Variants in CDCP2 observed in about 807,000 individuals in gnomAD.
CDCP2 encodes CUB domain-containing protein 2.
A neutral mutation model predicts 31.0 loss-of-function variants in CDCP2; 31 were observed. That is an observed-to-expected ratio of 1.00 (90% CI 0.75 to 1.35). The LOEUF (loss-of-function observed/expected upper bound fraction) is 1.35, where lower values mean the gene tolerates loss of function less well. CDCP2 is among the 40% of genes most tolerant of loss of function. The pLI, the probability that CDCP2 is intolerant of heterozygous loss-of-function variation, is 0.00. For synonymous variants in CDCP2, 206 were observed against 207.9 expected (o/e 0.99, Z 0.08); for missense variants, 443 against 482.6 (o/e 0.92, Z 0.77).
rs887852738 is a variant in CDCP2, at chr1:54,139,408, T to C, written c.1117+345A>G. 15 of 846,754 alleles carry C rather than the reference T, an allele frequency of 1.8e-5. No individual in the cohort carries two copies. In the East Asian group the frequency reaches 3.8e-4, roughly 21 times the overall value. 52.5% of individuals were successfully genotyped at this position (846,754 alleles called of 1,614,324 possible). ...ATACCAATTTTTTTGCCATAAACAA[T>C]ATTACCATATTTTGTCTATTTCCCC... On this transcript the variant is annotated intron_variant, in intron 4 of 5. Transcript: ENST00000530059.
At chr1:54,134,155 T>C (rs1446491256) in intron 5 of CDCP2, among the ~76,000 whole-genome samples, 1 of 152,220 alleles carries the variant, frequency 6.6e-6, no homozygotes, top group Non-Finnish European at 1.5e-5. Flanking sequence ...TACTGAGGCC[T>C]GGAAGGGCGA....
At chr1:54,144,630 A>G in exon 2 of CDCP2, 1 of 1,612,962 alleles carries the variant, frequency 6.2e-7, no homozygotes, top group South Asian at 1.1e-5. Context: ...GTAGATCTCC[A>G]GAAAGTCGAA....
At chr1:54,144,926 C>T (rs1659438763) in intron 1 of CDCP2, 113 bp from the exon 2 acceptor site, 4 of 706,716 alleles carry the variant, frequency 5.7e-6, no homozygotes, top group Non-Finnish European at 9.5e-6. Context: ...TGAGGGAACA[C>T]ATGGCCATGT....
intron 3 of CDCP2, chr1:54,140,545 C>G (rs1659349160): frequency 4.1e-6 from 1 of 241,948 alleles, no homozygotes; most frequent in African/African-American, 2.3e-5. Context: ...ACATGCTGTT[C>G]CTCCTGCTTG....
intron 1 of CDCP2, among the ~76,000 whole-genome samples, chr1:54,152,309 C>T (rs995736857): frequency 2.0e-5 from 3 of 152,116 alleles, no homozygotes; most frequent in Admixed American, 1.3e-4. Flanking sequence ...ACTAAAAATA[C>T]AAAAATTAGC....
chr1:54,146,063 CTTACTA>C (rs1455210310), intron 1 of CDCP2, among the ~76,000 whole-genome samples: 1 of 151,942 alleles, frequency 6.6e-6, no homozygotes, highest in Non-Finnish European at 1.5e-5. Flanking sequence ...ATTCAGTAAA[CTTACTA>C]TTAGTAATAA....
intron 5 of CDCP2, among the ~76,000 whole-genome samples, chr1:54,134,789 G>A (rs565092760): frequency 2.5e-4 from 38 of 151,876 alleles, no homozygotes; most frequent in African/African-American, 8.9e-4. Flanking sequence ...AGGCTGGAGT[G>A]TAGTGGCATG....
intron 1 of CDCP2, among the ~76,000 whole-genome samples, chr1:54,145,075 C>T (rs1370214007): frequency 6.6e-6 from 1 of 152,146 alleles, no homozygotes; most frequent in Non-Finnish European, 1.5e-5. Context: ...AAAACCCCTA[C>T]CCTCATGGAA....
At chr1:54,138,610 G>A (rs1659300815) in intron 4 of CDCP2, 1 of 152,278 alleles carries the variant, frequency 6.6e-6, no homozygotes, top group African/African-American at 2.4e-5. Flanking sequence ...ATGACCACCT[G>A]TCTAGGGCCT....
chr1:54,149,531 A>C (rs1055263737), intron 1 of CDCP2, among the ~76,000 whole-genome samples: 2 of 152,210 alleles, frequency 1.3e-5, no homozygotes, highest in African/African-American at 4.8e-5. Flanking sequence ...ATTAAAAGTC[A>C]ACAAAATAAC....
At chr1:54,152,269 G>A (rs1004944762) in intron 1 of CDCP2, among the ~76,000 whole-genome samples, 7 of 152,178 alleles carry the variant, frequency 4.6e-5, no homozygotes, top group Non-Finnish European at 1.0e-4. Context: ...TTCGAGACCA[G>A]CATGACCAAC....
chr1:54,141,555 T>A, intron 2 of CDCP2, 122 bp from the exon 3 acceptor site: 1 of 820,070 alleles, frequency 1.2e-6, no homozygotes, highest in Non-Finnish European at 1.9e-6. Context: ...CTCATTACCA[T>A]CCAGCAAGCA....
At chr1:54,137,800 C>T (rs1166121440) in intron 4 of CDCP2, 1 of 152,086 alleles carries the variant, frequency 6.6e-6, no homozygotes, top group Non-Finnish European at 1.5e-5. Context: ...CTGGAACTCT[C>T]AACCCCTCTC....
chr1:54,152,262 G>A (rs886538436), intron 1 of CDCP2, among the ~76,000 whole-genome samples: 1 of 152,074 alleles, frequency 6.6e-6, no homozygotes, highest in African/African-American at 2.4e-5. Context: ...TTAGGAGTTC[G>A]AGACCAGCAT....
At chr1:54,145,358 G>A (rs928769803) in intron 1 of CDCP2, among the ~76,000 whole-genome samples, 4 of 152,066 alleles carry the variant, frequency 2.6e-5, no homozygotes, top group South Asian at 2.1e-4. Context: ...CCCGGGAGGC[G>A]GAGGTTGCAG....
At chr1:54,152,776 T>C (rs1273070740) in intron 1 of CDCP2, 68 bp downstream of exon 1, 1 of 1,454,288 alleles carries the variant, frequency 6.9e-7, no homozygotes, top group South Asian at 1.2e-5. Context: ...AGAAACTTCT[T>C]GAGCCCCTGG....
chr1:54,134,190 CAA>C (rs1490130555), intron 5 of CDCP2, among the ~76,000 whole-genome samples: 1 of 152,244 alleles, frequency 6.6e-6, no homozygotes, highest in African/African-American at 2.4e-5. Context: ...CTAGAGAAGC[CAA>C]GTCTCCTGCC....
At chr1:54,134,090 GC>G (rs1486070427) in intron 5 of CDCP2, among the ~76,000 whole-genome samples, 1 of 152,102 alleles carries the variant, frequency 6.6e-6, no homozygotes, top group African/African-American at 2.4e-5. Context: ...ACCAAAGGGG[GC>G]TTTTCAAAGC....
intron 4 of CDCP2, chr1:54,138,848 C>A (rs942329479): frequency 6.6e-6 from 1 of 152,484 alleles, no homozygotes; most frequent in Non-Finnish European, 1.5e-5. Flanking sequence ...GCTATACCTG[C>A]ACAACGAGGA....
Sources: allele counts gnomAD v4.1 joint callset (sites outside exome capture counted in the v4.1 genomes callset), GRCh38; gene constraint gnomAD v4.1.1; transcripts MANE v1.5; gene names NCBI Gene and HGNC (gene_info 2026-07-23, HGNC 2026-07-21).